Variants in PKIB observed in about 807,000 individuals in gnomAD.
The protein encoded by PKIB is PKI-beta.
A neutral mutation model predicts 4.5 loss-of-function variants in PKIB; 2 were observed. The observed-to-expected ratio is 0.44, with a 90% CI of 0.18 to 1.39. The LOEUF is 1.39. Among genes scored for constraint, PKIB ranks in the 40% most tolerant of loss-of-function variants. The pLI is 0.27. For missense variants in PKIB, 94 were observed against 92.6 expected (o/e 1.02, Z -0.06); for synonymous variants, 38 against 36.0 (o/e 1.06, Z -0.20).
At chr6:122,635,149 C>G (rs1775866070) in intron 2 of PKIB, among the ~76,000 whole-genome samples, 1 of 151,908 alleles carries the variant, frequency 6.6e-6, no homozygotes, top group African/African-American at 2.4e-5. Context: ...TTTATTGGGT[C>G]TATATTGTGG....
chr6:122,590,669 AT>A (rs1225197642), intron 3 of PKIB, among the ~76,000 whole-genome samples: 1 of 152,188 alleles, frequency 6.6e-6, no homozygotes, highest in Non-Finnish European at 1.5e-5. Context: ...CACCAAAGAT[AT>A]GAGAATTTTA....
At chr6:122,485,210 C>CT (rs907386583) in intron 2 of PKIB, among the ~76,000 whole-genome samples, 3,916 of 141,384 alleles carry the variant, frequency 0.028, 49 homozygotes, top group Admixed American at 0.036. Flanking sequence ...CAAAAATATT[C>CT]TTTTTTTTTT....
At chr6:122,535,147 G>A (rs955856022) in intron 2 of PKIB, among the ~76,000 whole-genome samples, 13 of 150,670 alleles carry the variant, frequency 8.6e-5, no homozygotes, top group South Asian at 2.1e-4. Context: ...ATCAATCTAC[G>A]TCTGCAGAAC....
intron 2 of PKIB, among the ~76,000 whole-genome samples, chr6:122,506,724 G>A (rs1776413216): frequency 7.0e-6 from 1 of 142,788 alleles, no homozygotes; most frequent in South Asian, 2.3e-4. Context: ...TTTTGAGACG[G>A]AGTCTCGCTC....
At chr6:122,532,228 A>G (rs1412328319) in intron 2 of PKIB, among the ~76,000 whole-genome samples, 1 of 152,230 alleles carries the variant, frequency 6.6e-6, no homozygotes, top group Non-Finnish European at 1.5e-5. Flanking sequence ...TTTAATCAAC[A>G]TACTCCAAGA....
At chr6:122,475,009 GT>G (rs1191831978) in intron 1 of PKIB, among the ~76,000 whole-genome samples, 1 of 152,184 alleles carries the variant, frequency 6.6e-6, no homozygotes, top group Non-Finnish European at 1.5e-5. Context: ...AGATTTGTCA[GT>G]TATCAGTCAT....
chr6:122,696,712 G>A (rs375839415), intron 3 of PKIB, among the ~76,000 whole-genome samples: 1 of 152,140 alleles, frequency 6.6e-6, no homozygotes, highest in Non-Finnish European at 1.5e-5. Context: ...TAACAAAGAG[G>A]ATGCAGATGC....
chr6:122,666,827 T>A (rs1295511096), intron 2 of PKIB, among the ~76,000 whole-genome samples: 1 of 152,248 alleles, frequency 6.6e-6, no homozygotes, highest in Non-Finnish European at 1.5e-5. Context: ...TGAATCGACT[T>A]AGTCAACCAC....
intron 2 of PKIB, among the ~76,000 whole-genome samples, chr6:122,497,421 A>C (rs1330620501): frequency 1.3e-5 from 2 of 152,202 alleles, no homozygotes; most frequent in Non-Finnish European, 2.9e-5. Context: ...CTTAGAAGGC[A>C]AAGAGCAGCA....
At chr6:122,567,648 C>T (rs76423426) in intron 2 of PKIB, among the ~76,000 whole-genome samples, 14,424 of 152,096 alleles carry the variant, frequency 0.095, 836 homozygotes, top group South Asian at 0.15. Flanking sequence ...CAACCTTCAA[C>T]GAATTTATAA....
intron 2 of PKIB, among the ~76,000 whole-genome samples, chr6:122,520,661 T>TTTCTCCTC (rs1562237597): frequency 1.8e-5 from 1 of 55,546 alleles, no homozygotes; most frequent in African/African-American, 6.0e-5. Flanking sequence ...AAGTTTATGT[T>TTTCTCCTC]CCCACCCCCC....
At chr6:122,602,955 CAAAAAAAAA>C (rs71021410) in intron 3 of PKIB, among the ~76,000 whole-genome samples, 2 of 74,876 alleles carry the variant, frequency 2.7e-5, no homozygotes, top group African/African-American at 1.2e-4. Flanking sequence ...GACTGCGTCT[CAAAAAAAAA>C]AAAAAAAAAA....
At chr6:122,504,003 T>A (rs1776325834) in intron 2 of PKIB, among the ~76,000 whole-genome samples, 1 of 152,194 alleles carries the variant, frequency 6.6e-6, no homozygotes, top group South Asian at 2.1e-4. Context: ...AAGGATTTTC[T>A]AGGGATTAAA....
At chr6:122,584,488 A>G (rs1773795641) in intron 2 of PKIB, among the ~76,000 whole-genome samples, 1 of 152,182 alleles carries the variant, frequency 6.6e-6, no homozygotes, top group South Asian at 2.1e-4. Context: ...GGCCTGTAAT[A>G]TACTGACTAA....
At chr6:122,558,796 G>A (rs1438194481) in intron 2 of PKIB, among the ~76,000 whole-genome samples, 3 of 151,826 alleles carry the variant, frequency 2.0e-5, no homozygotes, top group Non-Finnish European at 4.4e-5. Context: ...GTGGTATTTG[G>A]TTACATGAGT....
At chr6:122,660,850 A>G (rs1776956956) in intron 2 of PKIB, among the ~76,000 whole-genome samples, 1 of 152,206 alleles carries the variant, frequency 6.6e-6, no homozygotes, top group Admixed American at 6.5e-5. Context: ...TATCTCTGCA[A>G]TAAATATTAC....
intron 2 of PKIB, among the ~76,000 whole-genome samples, chr6:122,570,974 G>A (rs1562255212): frequency 6.6e-6 from 1 of 151,642 alleles, no homozygotes; most frequent in Admixed American, 6.6e-5. Flanking sequence ...ACCAGAGAAA[G>A]GTGAAAACCA....
chr6:122,702,108 G>A (rs1283589224), intron 3 of PKIB, among the ~76,000 whole-genome samples: 2 of 152,102 alleles, frequency 1.3e-5, no homozygotes, highest in Admixed American at 6.5e-5. Context: ...GGATGGAAAC[G>A]GGGGAAAGAC....
At chr6:122,525,849 A>G (rs1444878705) in intron 2 of PKIB, among the ~76,000 whole-genome samples, 1 of 152,040 alleles carries the variant, frequency 6.6e-6, no homozygotes, top group Non-Finnish European at 1.5e-5. Context: ...TGCTATCTCA[A>G]TTGACTCTTT....
Sources: gnomAD v4.1 joint callset for allele counts (sites outside exome capture counted in the v4.1 genomes callset) on GRCh38, gnomAD v4.1.1 for gene constraint, MANE v1.5 for transcripts, NCBI Gene and HGNC (gene_info 2026-07-23, HGNC 2026-07-21) for gene names.